Variants in CSKMT observed in about 807,000 individuals in gnomAD.
The protein encoded by CSKMT is citrate synthase-lysine N-methyltransferase CSKMT, mitochondrial.
CSKMT carries 6 observed loss-of-function variants against 4.6 expected under a neutral mutation model. That is an observed-to-expected ratio of 1.31 (90% CI 0.72 to 2.59). The LOEUF (loss-of-function observed/expected upper bound fraction) is 2.59. Among genes scored for constraint, CSKMT ranks in the 30% most tolerant of loss-of-function variants. The pLI is 0.00. For missense variants in CSKMT, 328 were observed against 298.0 expected, an observed-to-expected ratio of 1.10 and a Z score of -0.74; for synonymous variants, 142 against 128.9, an observed-to-expected ratio of 1.10 and a Z score of -0.69.
rs1221121955 is a variant in CSKMT at position 62,666,577 on chromosome 11, C to A, written c.249C>A (p.Gly83=). ...GTCCTCTGCGAGTGCTGGATGTGGG[C>A]TGTGGGACTTCCAGCCTATGTACAG... is the stretch of plus-strand genomic sequence containing the variant. The part of the protein sequence containing the change: ...AASPLRVLDV[G]CGTSSLCTGL... Residue 83 remains glycine (G), a synonymous_variant, in exon 3 of 3, where the codon GGC becomes GGA. Transcript: ENST00000532971. 3.1e-6 allele frequency: 5 copies of A among 1,614,066 alleles called. No homozygotes were observed. The highest frequency in any genetic ancestry group is 4.2e-6 in the Non-Finnish European group (5 of 1,180,040).
Position 62,667,504 on chromosome 11 carries a change from G to A in CSKMT, c.*453G>A, listed in dbSNP as rs1944851682. The A allele has an allele frequency of 1.9e-6, 3 of 1,601,778 alleles. No homozygotes were observed. The highest frequency in any genetic ancestry group is 2.6e-6 in the Non-Finnish European group (3 of 1,168,880). On this transcript the variant is annotated 3_prime_UTR_variant, in exon 3 of 3. Transcript: ENST00000532971. ...ATAAACCTGGATGAGATATTTGAGG[G>A]GGAGGGAACAATACTTACCCTCAAA...
In CSKMT at chr11:62,666,693, G is replaced by A; in HGVS notation, c.365G>A (p.Gly122Asp). 6.2e-7 allele frequency: 1 copy of A among 1,614,044 alleles called. No individual in the cohort carries two copies. The highest frequency in any genetic ancestry group is 8.5e-7 in the Non-Finnish European group (1 of 1,180,008). The change falls in exon 3 of 3, where the codon GGT becomes GAT. Residue 122 changes from glycine (G) to aspartate (D), a missense_variant. Transcript: ENST00000532971. ...GCCCACATGAATAGCCTCCTGGAGG[G>A]TGGCCCAGGCCAAACACCTCTATGC... ...AVAHMNSLLE[G>D]GPGQTPLCPG...
At position 62,665,750 on chromosome 11, in the gene CSKMT, C is replaced by A; in HGVS notation, c.-130C>A. 1 of 1,492,460 alleles carries A rather than the reference C, an allele frequency of 6.7e-7. No individual in the cohort carries two copies. The allele number at this position is 1,492,460 out of a possible 1,614,324, so 92.5% of individuals were successfully genotyped here. A position where few individuals can be genotyped will look rare whatever the true frequency, so the allele number is the denominator to read the frequency against. ...TTCTTTTTTCCGGGACTGCAGAGTTCGGGGAAGCTGTACGCCGCCTTTCGC... is the reference window on the plus strand; with the variant it reads ...TTCTTTTTTCCGGGACTGCAGAGTTAGGGGAAGCTGTACGCCGCCTTTCGC... On this transcript the variant is annotated 5_prime_UTR_variant, in exon 2 of 3. Transcript: ENST00000532971.
At chr11:62,665,592 C>G (rs1944784783) in intron 1 of CSKMT, 55 bp from the exon 2 acceptor site, 1 of 1,567,356 alleles carries the variant, frequency 6.4e-7, no homozygotes. Context: ...GAAGGACAAC[C>G]GAGATCCAGC....
intron 2 of CSKMT, 39 bp downstream of exon 2, chr11:62,665,985 G>A: frequency 2.5e-6 from 4 of 1,583,124 alleles, no homozygotes; most frequent in Middle Eastern, 3.4e-4. Context: ...GCAAGGTGGG[G>A]GCAGAGTGGG....
rs991839472 is a variant in CSKMT, at chr11:62,667,925, C to T, written c.*874C>T. The T allele has an allele frequency of 4.7e-5, 27 of 573,766 alleles. No individual in the cohort carries two copies. Among genetic ancestry groups the T allele is most frequent in the Middle Eastern group, 4.6e-4 (1 of 2,154 alleles). 35.5% of individuals were successfully genotyped at this position (573,766 alleles called of 1,614,324 possible). On this transcript the variant is annotated 3_prime_UTR_variant, in exon 3 of 3. Coordinates refer to ENST00000532971, the MANE Select transcript of CSKMT (RefSeq NM_001043229.2). ...CTAACTCTACAAAAACAAATGAGCC[C>T]GGGATAGTGGCACAGGCATGTAGTT...
In CSKMT at chr11:62,666,763, T is replaced by C. The variant is rs1308864345; in HGVS notation, c.435T>C (p.Ala145=). 4 of 1,614,176 alleles carry C rather than the reference T, an allele frequency of 2.5e-6. No homozygotes were observed. Among genetic ancestry groups the C allele is most frequent in the Admixed American group, 1.7e-5 (1 of 60,022 alleles). The change falls in exon 3 of 3, where the codon GCT becomes GCC. Residue 145 remains alanine (A), a synonymous_variant. Coordinates refer to ENST00000532971, the MANE Select transcript of CSKMT (RefSeq NM_001043229.2). ...GCCTCCACTTCATGCACGCCGATGC[T>C]CAGAACCTGGGGGCTGTGGCTTCTT... The part of the protein sequence containing the change: ...ASSLHFMHAD[A]QNLGAVASSG...
At position 62,667,646 on chromosome 11, in the gene CSKMT, G is replaced by C. The variant is rs547468928; in HGVS notation, c.*595G>C. 6.2e-7 allele frequency: 1 copy of C among 1,613,984 alleles called. No homozygotes were observed. The highest frequency in any genetic ancestry group is 1.3e-5 in the African/African-American group (1 of 74,884). ...GCTTCCAGACATGCTGTGTCCTCAA[G>C]AATCCAACAAGCATCTTCTTCATCC... On this transcript the variant is annotated 3_prime_UTR_variant, in exon 3 of 3. Transcript: ENST00000532971.
At chr11:62,666,281 C>A in intron 2 of CSKMT, 115 bp from the exon 3 acceptor site, 1 of 1,090,630 alleles carries the variant, frequency 9.2e-7, no homozygotes. Context: ...CTGTACTCAA[C>A]CCTGGGTCAC....
At position 62,667,042 on chromosome 11, in the gene CSKMT, C is replaced by T. The variant is rs377682780; in HGVS notation, c.714C>T (p.Gly238=). The T allele has an allele frequency of 5.6e-5, 90 of 1,598,364 alleles. No individual in the cohort carries two copies. The highest frequency in any genetic ancestry group is 6.9e-5 in the Non-Finnish European group (81 of 1,172,508). ...GITYFAYLIQ[G]SH ...CCTACTTTGCTTACTTGATTCAAGG[C>T]TCTCATTAAAGACATTTTAGTAGTC... The change falls in exon 3 of 3, where the codon GGC becomes GGT. Residue 238 remains glycine (G), a synonymous_variant. Transcript: ENST00000532971.
chr11:62,667,063 T>G lies in CSKMT; in HGVS notation c.*12T>G, dbSNP rs1033054402. 2 of 1,581,168 alleles carry G rather than the reference T, an allele frequency of 1.3e-6. No homozygotes were observed. Among genetic ancestry groups the G allele is most frequent in the African/African-American group, 2.7e-5 (2 of 73,974 alleles). ...AAGGCTCTCATTAAAGACATTTTAG[T>G]AGTCCTGACCCTAGTATTTCTGTGG... On this transcript the variant is annotated 3_prime_UTR_variant, in exon 3 of 3. Coordinates refer to ENST00000532971, the MANE Select transcript of CSKMT (RefSeq NM_001043229.2).
chr11:62,667,021 C>T lies in CSKMT; in HGVS notation c.693C>T (p.Tyr231=), dbSNP rs1403718101. 6.2e-7 allele frequency: 1 copy of T among 1,607,852 alleles called. No homozygotes were observed. The highest frequency in any genetic ancestry group is 1.1e-5 in the South Asian group (1 of 90,566). Residue 231 remains tyrosine (Y), a synonymous_variant, in exon 3 of 3, where the codon TAC becomes TAT. Coordinates refer to ENST00000532971, the MANE Select transcript of CSKMT (RefSeq NM_001043229.2). Reference sequence around the variant, plus strand: ...TAGGCCCGTTCAGGGGCATCACCTACTTTGCTTACTTGATTCAAGGCTCTC... The same window carrying T: ...TAGGCCCGTTCAGGGGCATCACCTATTTTGCTTACTTGATTCAAGGCTCTC... The part of the protein sequence containing the change: ...QELGPFRGIT[Y]FAYLIQGSH
At position 62,665,320 on chromosome 11, in the gene CSKMT, G is replaced by T; in HGVS notation, c.-246G>T. 1 of 729,382 alleles carries T rather than the reference G, an allele frequency of 1.4e-6. No individual in the cohort carries two copies. Among genetic ancestry groups the T allele is most frequent in the South Asian group, 1.6e-5 (1 of 60,914 alleles). 45.2% of individuals were successfully genotyped at this position (729,382 alleles called of 1,614,324 possible). A position where few individuals can be genotyped will look rare whatever the true frequency, so the allele number is the denominator to read the frequency against. On this transcript the variant is annotated 5_prime_UTR_variant, in exon 1 of 3. In the 5' UTR this introduces an upstream ATG that the reference lacks. Transcript: ENST00000532971. ...TCCGCGGTGCGGGAGGCCTTTCGGA[G>T]GGTGGTGAGCTAGTAAGTGTGGTTT...
At position 62,665,777 on chromosome 11, in the gene CSKMT, A is replaced by G. The variant is rs1316431802; in HGVS notation, c.-103A>G. On this transcript the variant is annotated 5_prime_UTR_variant, in exon 2 of 3. Transcript: ENST00000532971. ...GGGAAGCTGTACGCCGCCTTTCGCTACGCGGAATTTGCAGATCTTCCCCTG... is the reference window on the plus strand; with the variant it reads ...GGGAAGCTGTACGCCGCCTTTCGCTGCGCGGAATTTGCAGATCTTCCCCTG... The G allele has an allele frequency of 7.8e-6, 12 of 1,536,894 alleles. No homozygotes were observed. Among genetic ancestry groups the G allele is most frequent in the South Asian group, 4.8e-5 (4 of 82,888 alleles).
rs567917506 is a variant in CSKMT at position 62,666,785 on chromosome 11, T to G, written c.457T>G (p.Ser153Ala). The G allele has an allele frequency of 3.1e-6, 5 of 1,614,090 alleles. No individual in the cohort carries two copies. The highest frequency in any genetic ancestry group is 2.7e-5 in the African/African-American group (2 of 75,064). ...TGCTCAGAACCTGGGGGCTGTGGCT[T>G]CTTCAGGCTCTTTCCAACTACTGCT... The part of the protein sequence containing the change: ...ADAQNLGAVA[S>A]SGSFQLLLDK... Residue 153 changes from serine to alanine, a missense_variant, in exon 3 of 3, where the codon TCT becomes GCT. Physicochemically the swap from Ser to Ala is moderately conservative, Grantham distance 99. Transcript: ENST00000532971.
Position 62,666,884 on chromosome 11 carries a change from A to G in CSKMT, c.556A>G (p.Arg186Gly), listed in dbSNP as rs199971805. The G allele has an allele frequency of 1.4e-4, 225 of 1,614,052 alleles. No individual in the cohort carries two copies. Among genetic ancestry groups the G allele is most frequent in the Non-Finnish European group, 1.9e-4 (222 of 1,180,018 alleles). ...TTACCAGCTTCTATCAGAATGCTTG[A>G]GGGTTCTAAACCCTCAGGGGACCCT... Reference protein sequence around the residue: ...RAYQLLSECLRVLNPQGTLIQ... With the variant: ...RAYQLLSECLGVLNPQGTLIQ... Residue 186 changes from arginine (R) to glycine (G), a missense_variant, in exon 3 of 3, where the codon AGG becomes GGG. Coordinates refer to ENST00000532971, the MANE Select transcript of CSKMT (RefSeq NM_001043229.2).
chr11:62,666,919 C>T lies in CSKMT; in HGVS notation c.591C>T (p.Phe197=), dbSNP rs758886851. The T allele has an allele frequency of 6.2e-7, 1 of 1,613,850 alleles. No homozygotes were observed. Residue 197 remains phenylalanine (F), a synonymous_variant, in exon 3 of 3, where the codon TTC becomes TTT. Coordinates refer to ENST00000532971, the MANE Select transcript of CSKMT (RefSeq NM_001043229.2). The stretch of plus-strand genomic sequence containing the variant: ...ACCCTCAGGGGACCCTGATTCAGTT[C>T]TCAGATGAGGACCCTGATGTGCGAC... ...VLNPQGTLIQ[F]SDEDPDVRLP...
rs1216788042 is a variant in CSKMT, at chr11:62,665,903, C to G, written c.24C>G (p.Leu8=). 1 of 1,613,502 alleles carries G rather than the reference C, an allele frequency of 6.2e-7. No homozygotes were observed. The highest frequency in any genetic ancestry group is 8.5e-7 in the Non-Finnish European group (1 of 1,179,850). Residue 8 remains leucine, a synonymous_variant, in exon 2 of 3, where the codon CTC becomes CTG. Coordinates refer to ENST00000532971, the MANE Select transcript of CSKMT (RefSeq NM_001043229.2). ...AGATGGCCGCGCTGCGTCGAATGCT[C>G]CACTTGCCGAGCCTGATGATGGGGA... is the stretch of plus-strand genomic sequence containing the variant. MAALRRM[L]HLPSLMMGTC...
rs749402374 is a variant in CSKMT at position 62,667,519 on chromosome 11, T to C, written c.*468T>C. Reference sequence around the variant, plus strand: ...ATATTTGAGGGGGAGGGAACAATACTTACCCTCAAAGCTATTAGGAGGCAG... The same window carrying C: ...ATATTTGAGGGGGAGGGAACAATACCTACCCTCAAAGCTATTAGGAGGCAG... On this transcript the variant is annotated 3_prime_UTR_variant, in exon 3 of 3. Coordinates refer to ENST00000532971, the MANE Select transcript of CSKMT (RefSeq NM_001043229.2). 1.9e-6 allele frequency: 3 copies of C among 1,611,510 alleles called. No individual in the cohort carries two copies. The highest frequency in any genetic ancestry group is 2.2e-5 in the South Asian group (2 of 91,036).
Sources: gnomAD v4.1 joint callset for allele counts on GRCh38, gnomAD v4.1.1 for gene constraint, MANE v1.5 for transcripts, NCBI Gene and HGNC (gene_info 2026-07-23, HGNC 2026-07-21) for gene names.